FKTN: variants seen among roughly 807,000 people sequenced by gnomAD.
FKTN encodes fukutin, also known as ribitol-5-phosphate transferase FKTN.
Under a neutral mutation model 58.6 loss-of-function variants are expected in FKTN, and 47 were observed. The observed-to-expected ratio is 0.80, with a 90% CI of 0.63 to 1.02. The LOEUF is 1.02. Among genes scored for constraint, FKTN ranks in the 50% least tolerant of loss-of-function variants. The pLI is 0.00. For synonymous variants in FKTN, 178 were observed against 191.9 expected, an observed-to-expected ratio of 0.93 and a Z score of 0.60; for missense variants, 516 against 537.3, an observed-to-expected ratio of 0.96 and a Z score of 0.39.
intron 8 of FKTN, among the ~76,000 whole-genome samples, chr9:105,616,388 T>C (rs1442977118): frequency 6.6e-6 from 1 of 152,210 alleles, no homozygotes; most frequent in Non-Finnish European, 1.5e-5. Context: ...TCATAAGGTC[T>C]TCCATCAGCC....
intron 10 of FKTN, 135 bp downstream of exon 10, chr9:105,620,196 A>G (rs1349091951): frequency 1.4e-6 from 1 of 708,236 alleles, no homozygotes; most frequent in Non-Finnish European, 2.4e-6. Flanking sequence ...TTCTTAGCTT[A>G]CCCATAGAGT....
intron 3 of FKTN, among the ~76,000 whole-genome samples, chr9:105,579,212 T>C (rs1304214840): frequency 6.6e-6 from 1 of 152,208 alleles, no homozygotes; most frequent in Non-Finnish European, 1.5e-5. Context: ...TGTTAGCTTT[T>C]GAATGTGTTT....
At chr9:105,559,259 C>T (rs552230631) in intron 1 of FKTN, among the ~76,000 whole-genome samples, 1 of 152,320 alleles carries the variant, frequency 6.6e-6, no homozygotes, top group African/African-American at 2.4e-5. Context: ...AGAGCCTATT[C>T]TCCATAAGGT....
At chr9:105,629,293 A>G (rs1206012501) in intron 10 of FKTN, among the ~76,000 whole-genome samples, 1 of 152,248 alleles carries the variant, frequency 6.6e-6, no homozygotes, top group Non-Finnish European at 1.5e-5. Context: ...GTCTGAGATC[A>G]CAGGTTGAAA....
chr9:105,632,165 A>AG lies in FKTN; in HGVS notation c.1173-2885dup, dbSNP rs1476380137. On this transcript the variant is annotated intron_variant, in intron 10 of 10. Coordinates refer to ENST00000357998, the MANE Select transcript of FKTN (RefSeq NM_001079802.2). ...TCATCATTCTCAGTAAACTATCGCA[A>AG]GAACAAAAAACCAAACACCGCATAT... 2.0e-5 allele frequency among the ~76,000 whole-genome samples: 3 copies of AG among 151,900 alleles called. 1 individual carries two copies. Among genetic ancestry groups the AG allele is most frequent in the Admixed American group, 2.0e-4 (3 of 15,264 alleles).
chr9:105,618,070 C>T lies in FKTN; in HGVS notation c.1022C>T (p.Pro341Leu), dbSNP rs764441249. 26 of 1,611,970 alleles carry T rather than the reference C, an allele frequency of 1.6e-5. No homozygotes were observed. The highest frequency in any genetic ancestry group is 1.6e-4 in the East Asian group (7 of 44,854). ...IILAFQDAGL[P>L]LKHKFGKVED... ...TTAGCATTTCAGGATGCAGGACTTC[C>T]GCTCAAACACAAATTTGGGAAGGTC... Residue 341 changes from proline to leucine, a missense_variant, in exon 9 of 11, where the codon CCG becomes CTG. Coordinates refer to ENST00000357998, the MANE Select transcript of FKTN (RefSeq NM_001079802.2).
chr9:105,564,005 G>T (rs1194533547), intron 1 of FKTN, among the ~76,000 whole-genome samples: 2 of 152,242 alleles, frequency 1.3e-5, no homozygotes, highest in Non-Finnish European at 2.9e-5. Context: ...AATATTCGCT[G>T]TTCTGCAGCC....
chr9:105,586,879 T>G (rs1484560842), intron 3 of FKTN, among the ~76,000 whole-genome samples: 1 of 152,260 alleles, frequency 6.6e-6, no homozygotes, highest in Non-Finnish European at 1.5e-5. Context: ...CTTATATTTT[T>G]TACTTTTTCA....
At chr9:105,615,232 C>T in intron 7 of FKTN, 46 bp from the exon 8 acceptor site, 1 of 1,600,808 alleles carries the variant, frequency 6.2e-7, no homozygotes. Context: ...AGGTTCCTAG[C>T]AATTTAGAAA....
intron 10 of FKTN, among the ~76,000 whole-genome samples, chr9:105,624,000 G>C (rs1401402430): frequency 6.6e-6 from 1 of 152,102 alleles, no homozygotes; most frequent in African/African-American, 2.4e-5. Context: ...GTGGGCATCT[G>C]TATACGTAAA....
At chr9:105,633,989 G>GA (rs900557344) in intron 10 of FKTN, among the ~76,000 whole-genome samples, 2 of 151,664 alleles carry the variant, frequency 1.3e-5, no homozygotes, top group Non-Finnish European at 2.9e-5. Context: ...ACACTTCTCA[G>GA]AAAAAAAATG....
intron 7 of FKTN, among the ~76,000 whole-genome samples, chr9:105,614,416 C>T (rs969490563): frequency 6.6e-6 from 1 of 152,156 alleles, no homozygotes; most frequent in African/African-American, 2.4e-5. Flanking sequence ...AGGCACTACT[C>T]TACCCACTGG....
intron 3 of FKTN, among the ~76,000 whole-genome samples, chr9:105,579,452 C>G (rs1587908922): frequency 6.6e-6 from 1 of 151,884 alleles, no homozygotes; most frequent in South Asian, 2.1e-4. Flanking sequence ...GCAGGTTGTT[C>G]AGTTTCCATG....
intron 10 of FKTN, among the ~76,000 whole-genome samples, chr9:105,621,132 A>T (rs1208768953): frequency 6.6e-6 from 1 of 152,132 alleles, no homozygotes; most frequent in African/African-American, 2.4e-5. Context: ...AGCTCTTTAT[A>T]GTAGCAGTGT....
chr9:105,565,554 G>T (rs7041519), intron 1 of FKTN, among the ~76,000 whole-genome samples: 17,218 of 151,682 alleles, frequency 0.11, 1,378 homozygotes, highest in African/African-American at 0.23. Context: ...GACAAAGAAG[G>T]CCATTACATA....
In FKTN at chr9:105,635,566, TG is replaced by T. The variant is rs1833973757; in HGVS notation, c.*303del. The T allele has an allele frequency of 7.9e-7, 1 of 1,264,386 alleles. No individual in the cohort carries two copies. The highest frequency in any genetic ancestry group is 4.2e-5 in the East Asian group (1 of 23,690). The allele number at this position is 1,264,386 out of a possible 1,614,324, so 78.3% of individuals were successfully genotyped here. A position where few individuals can be genotyped will look rare whatever the true frequency, so the allele number is the denominator to read the frequency against. On this transcript the variant is annotated 3_prime_UTR_variant, in exon 11 of 11. Transcript: ENST00000357998. Reference sequence around the variant, plus strand: ...TTTGAGGGAACCCTCCCCCACCCTTTGAAGAGTTCAAGTTCTGTACAGGTTT... The same window carrying T: ...TTTGAGGGAACCCTCCCCCACCCTTTAAGAGTTCAAGTTCTGTACAGGTTT...
At chr9:105,619,571 T>C (rs1317390955) in intron 9 of FKTN, among the ~76,000 whole-genome samples, 4 of 152,234 alleles carry the variant, frequency 2.6e-5, no homozygotes, top group Admixed American at 2.6e-4. Context: ...CTGATAGTTT[T>C]ATTTGGATTA....
chr9:105,588,336 A>T (rs1379926361), intron 3 of FKTN, among the ~76,000 whole-genome samples: 3 of 152,228 alleles, frequency 2.0e-5, no homozygotes, highest in African/African-American at 7.2e-5. Flanking sequence ...TACTCCAAAT[A>T]TCCCATAGGC....
At chr9:105,586,309 G>C (rs1843892372) in intron 3 of FKTN, among the ~76,000 whole-genome samples, 1 of 152,172 alleles carries the variant, frequency 6.6e-6, no homozygotes, top group Non-Finnish European at 1.5e-5. Context: ...CAACCCTTCA[G>C]GTCTTGGATA....
Sources: gnomAD v4.1 joint callset for allele counts (sites outside exome capture counted in the v4.1 genomes callset) on GRCh38, gnomAD v4.1.1 for gene constraint, MANE v1.5 for transcripts, NCBI Gene and HGNC (gene_info 2026-07-23, HGNC 2026-07-21) for gene names.